The following GAS7 variants were observed in gnomAD, a reference collection of about 807,000 sequenced individuals.
The protein encoded by GAS7 is growth arrest-specific protein 7.
In GAS7, 28 loss-of-function variants were observed where a neutral mutation model predicts 71.1. That is an observed-to-expected ratio of 0.39 (90% CI 0.29 to 0.54). The LOEUF (loss-of-function observed/expected upper bound fraction) is 0.54, where lower values mean the gene tolerates loss of function less well. GAS7 is among the 20% of genes least tolerant of loss of function. The pLI is 0.62. For synonymous variants in GAS7, 258 were observed against 245.8 expected (o/e 1.05, Z -0.46); for missense variants, 436 against 627.8 (o/e 0.69, Z 3.27).
At chr17:9,952,436 G>C (rs1011960781) in intron 5 of GAS7, among the ~76,000 whole-genome samples, 1 of 152,186 alleles carries the variant, frequency 6.6e-6, no homozygotes, top group Non-Finnish European at 1.5e-5. Context: ...TTGTCACCAA[G>C]GTTGGAGTGC....
intron 1 of GAS7, among the ~76,000 whole-genome samples, chr17:10,041,852 A>C (rs541547576): frequency 3.3e-5 from 5 of 152,262 alleles, no homozygotes; most frequent in African/African-American, 1.2e-4. Context: ...TATTTCCACC[A>C]ACCTGAGTTT....
At chr17:10,113,770 T>A (rs2073835498) in intron 1 of GAS7, among the ~76,000 whole-genome samples, 2 of 152,196 alleles carry the variant, frequency 1.3e-5, no homozygotes, top group Admixed American at 1.3e-4. Context: ...ACTGATAGGT[T>A]GAGGACAGGG....
At chr17:10,146,072 A>C (rs1176871121) in intron 1 of GAS7, among the ~76,000 whole-genome samples, 3 of 152,174 alleles carry the variant, frequency 2.0e-5, no homozygotes, top group Non-Finnish European at 4.4e-5. Flanking sequence ...AAAGGCATCC[A>C]CACACATGCA....
chr17:10,037,835 A>G (rs1451243799), intron 1 of GAS7, among the ~76,000 whole-genome samples: 1 of 152,148 alleles, frequency 6.6e-6, no homozygotes, highest in Admixed American at 6.5e-5. Flanking sequence ...CAGTGGCTGA[A>G]AGGTAGGCAC....
intron 1 of GAS7, among the ~76,000 whole-genome samples, chr17:10,051,620 C>G (rs1476875569): frequency 6.6e-6 from 1 of 152,136 alleles, no homozygotes; most frequent in Non-Finnish European, 1.5e-5. Flanking sequence ...AGGGCTACAA[C>G]CATACAAAGC....
At chr17:10,013,545 G>A (rs915815645) in intron 2 of GAS7, among the ~76,000 whole-genome samples, 13 of 152,190 alleles carry the variant, frequency 8.5e-5, no homozygotes, top group African/African-American at 2.9e-4. Context: ...GAAATTTCCA[G>A]AGAGCCACAA....
At chr17:10,020,690 T>C (rs906951008) in intron 1 of GAS7, among the ~76,000 whole-genome samples, 2 of 151,520 alleles carry the variant, frequency 1.3e-5, no homozygotes, top group Non-Finnish European at 2.9e-5. Flanking sequence ...GGCGGGCGGA[T>C]TGCCTAAGCT....
At chr17:10,005,282 T>C (rs1252700906) in intron 2 of GAS7, among the ~76,000 whole-genome samples, 5 of 149,738 alleles carry the variant, frequency 3.3e-5, no homozygotes, top group East Asian at 2.0e-4. Flanking sequence ...TATATGTATA[T>C]ACATGCATAC....
intron 1 of GAS7, among the ~76,000 whole-genome samples, chr17:10,028,952 GA>G (rs1277543601): frequency 6.6e-6 from 1 of 152,212 alleles, no homozygotes; most frequent in African/African-American, 2.4e-5. Flanking sequence ...GAGACCAGCA[GA>G]AAAGCTCTAA....
intron 9 of GAS7, among the ~76,000 whole-genome samples, chr17:9,928,096 A>G (rs1567783020): frequency 7.1e-6 from 1 of 140,896 alleles, no homozygotes; most frequent in South Asian, 2.1e-4. Context: ...TGAGCATAAC[A>G]TTTATTTATT....
intron 9 of GAS7, among the ~76,000 whole-genome samples, chr17:9,930,733 T>C (rs1367707016): frequency 1.3e-5 from 2 of 152,128 alleles, no homozygotes; most frequent in Non-Finnish European, 2.9e-5. Context: ...GAGCAGACAT[T>C]AAAAACGGTT....
rs146610236 is a variant in GAS7, at chr17:10,039,030, G to A, written c.184-19133C>T. 3.9e-4 allele frequency among the ~76,000 whole-genome samples: 59 copies of A among 152,248 alleles called. No individual in the cohort carries two copies. In the East Asian group the frequency reaches 0.011, roughly 28 times the overall value. On this transcript the variant is annotated intron_variant, in intron 1 of 13. Coordinates refer to ENST00000432992, the MANE Select transcript of GAS7 (RefSeq NM_201433.2). Reference sequence around the variant, plus strand: ...ACAGGTTGCAGAATGGAGGTGACCAGGTGCTGTGGGCAGGGAATGATGGGA... The same window carrying A: ...ACAGGTTGCAGAATGGAGGTGACCAAGTGCTGTGGGCAGGGAATGATGGGA...
intron 1 of GAS7, among the ~76,000 whole-genome samples, chr17:10,141,154 A>C (rs543062541): frequency 5.9e-5 from 9 of 152,356 alleles, no homozygotes; most frequent in Admixed American, 5.2e-4. Context: ...GGGATATTAA[A>C]GCCACTGCTT....
At chr17:10,011,443 C>T (rs1047442788) in intron 2 of GAS7, among the ~76,000 whole-genome samples, 7 of 152,136 alleles carry the variant, frequency 4.6e-5, no homozygotes, top group Non-Finnish European at 8.8e-5. Flanking sequence ...TTCCTGCAGA[C>T]TACTCCAGGC....
rs141237016 is a variant in GAS7 at position 10,156,114 on chromosome 17, C to T, written c.183+42094G>A. 2.6e-5 allele frequency among the ~76,000 whole-genome samples: 4 copies of T among 152,340 alleles called. No individual in the cohort carries two copies. In the East Asian group the frequency reaches 5.8e-4, roughly 22 times the overall value. On this transcript the variant is annotated intron_variant, in intron 1 of 13. Transcript: ENST00000432992. The stretch of plus-strand genomic sequence containing the variant: ...ACTCTGACTTTTTCTTCTTGCTCCA[C>T]CCATCCTTAGCTCCGCCACAATGTC...
chr17:9,937,085 T>C (rs2068427331), intron 8 of GAS7, among the ~76,000 whole-genome samples: 1 of 152,212 alleles, frequency 6.6e-6, no homozygotes, highest in Non-Finnish European at 1.5e-5. Context: ...ACGTTGTACG[T>C]AGGGGGCTCA....
At chr17:10,101,185 G>A (rs532034713) in intron 1 of GAS7, among the ~76,000 whole-genome samples, 45 of 152,250 alleles carry the variant, frequency 3.0e-4, no homozygotes, top group Admixed American at 4.6e-4. Flanking sequence ...CCCAGACCCC[G>A]AGCCTTACCC....
chr17:10,147,648 T>C (rs1357755073), intron 1 of GAS7, among the ~76,000 whole-genome samples: 1 of 152,168 alleles, frequency 6.6e-6, no homozygotes, highest in Non-Finnish European at 1.5e-5. Context: ...GAAAATACAC[T>C]TGTAAAAATA....
intron 11 of GAS7, among the ~76,000 whole-genome samples, chr17:9,922,195 A>ATG (rs2067842907): frequency 3.4e-5 from 3 of 88,086 alleles, no homozygotes; most frequent in African/African-American, 7.0e-5. Context: ...GGTGGTGATG[A>ATG]AGATGATGAT....
Sources: gnomAD v4.1 joint callset for allele counts (sites outside exome capture counted in the v4.1 genomes callset) on GRCh38, gnomAD v4.1.1 for gene constraint, MANE v1.5 for transcripts, NCBI Gene and HGNC (gene_info 2026-07-23, HGNC 2026-07-21) for gene names.